The following ZFHX3 variants were observed in gnomAD, a reference collection of about 807,000 sequenced individuals.
The protein encoded by ZFHX3 is zinc finger homeobox protein 3.
Under a neutral mutation model 279.1 loss-of-function variants are expected in ZFHX3, and 42 were observed. The ratio of observed to expected loss-of-function variants is 0.15; its 90% CI spans 0.12 to 0.19. The LOEUF is 0.19. ZFHX3 is among the 10% of genes least tolerant of loss of function. The probability of loss-of-function intolerance (pLI) is 1.00; values close to 1 mark genes in which losing one functional copy is unlikely to be tolerated. For synonymous variants in ZFHX3, 2,293 were observed against 1,957.8 expected, an observed-to-expected ratio of 1.17 and a Z score of -4.52; for missense variants, 4,981 against 4,754.0, an observed-to-expected ratio of 1.05 and a Z score of -1.40.
At chr16:73,250,180 T>C (rs1325255989) in intron 5 of ZFHX3, among the ~76,000 whole-genome samples, 3 of 152,240 alleles carry the variant, frequency 2.0e-5, no homozygotes, top group African/African-American at 7.2e-5. Flanking sequence ...TACAATAACA[T>C]GTTTTCATCA....
intron 4 of ZFHX3, among the ~76,000 whole-genome samples, chr16:73,271,844 G>C (rs1003714138): frequency 6.6e-6 from 1 of 152,178 alleles, no homozygotes; most frequent in Non-Finnish European, 1.5e-5. Flanking sequence ...CATTGCTGAT[G>C]GGGCATTGTC....
At chr16:73,884,067 G>A (rs1017333410) in intron 1 of ZFHX3, among the ~76,000 whole-genome samples, 2 of 152,090 alleles carry the variant, frequency 1.3e-5, no homozygotes, top group Admixed American at 6.6e-5. Flanking sequence ...AACAGCTTTC[G>A]TTACACATTT....
At chr16:73,650,124 C>G (rs1045374958) in intron 2 of ZFHX3, among the ~76,000 whole-genome samples, 1 of 152,104 alleles carries the variant, frequency 6.6e-6, no homozygotes, top group African/African-American at 2.4e-5. Context: ...CATATACCTT[C>G]TGTCCATAAC....
rs869289153 is a variant in ZFHX3 at position 73,173,008 on chromosome 16, G to GTT, written c.-1103-29179_-1103-29178dup. Among the ~76,000 whole-genome samples, 82 of 49,930 alleles carry GTT rather than the reference G, an allele frequency of 1.6e-3. 1 individual carries two copies. The highest frequency in any genetic ancestry group is 3.0e-3 in the African/African-American group (32 of 10,770). 32.8% of individuals were successfully genotyped at this position (49,930 alleles called of 152,430 possible). On this transcript the variant is annotated intron_variant, in intron 5 of 17. Coordinates refer to the ZFHX3 transcript ENST00000641206. ...GGACTGTTTTTTTGTTTTTTTTTTT[G>GTT]TTTTTTTTTTTTTTTTTTGGGAGGG... is the stretch of plus-strand genomic sequence containing the variant.
At chr16:73,379,368 A>G (rs2143363617) in intron 3 of ZFHX3, among the ~76,000 whole-genome samples, 1 of 152,210 alleles carries the variant, frequency 6.6e-6, no homozygotes. Context: ...ACAAGCCCCA[A>G]TCTCAGTGCT....
At chr16:73,069,084 A>G (rs1323593561) in intron 8 of ZFHX3, among the ~76,000 whole-genome samples, 2 of 152,182 alleles carry the variant, frequency 1.3e-5, no homozygotes, top group African/African-American at 2.4e-5. Context: ...CCCAAGTATG[A>G]GTGTGTGTAA....
At chr16:72,883,995 C>A (rs1314717872) in intron 4 of ZFHX3, among the ~76,000 whole-genome samples, 2 of 151,058 alleles carry the variant, frequency 1.3e-5, no homozygotes, top group Non-Finnish European at 2.9e-5. Flanking sequence ...AAAAATTACA[C>A]TGAAATTGCA....
intron 1 of ZFHX3, among the ~76,000 whole-genome samples, chr16:73,843,312 C>A (rs968119776): frequency 6.6e-6 from 1 of 152,170 alleles, no homozygotes; most frequent in Non-Finnish European, 1.5e-5. Context: ...AGCTGAAAAG[C>A]CCCAAGTTGC....
intron 7 of ZFHX3, among the ~76,000 whole-genome samples, chr16:73,110,367 T>G (rs1160340012): frequency 3.3e-5 from 5 of 152,172 alleles, no homozygotes; most frequent in African/African-American, 9.7e-5. Flanking sequence ...CCTTGGTCCT[T>G]GGATAATATA....
At chr16:73,276,177 CTTTTT>C (rs529830146) in intron 4 of ZFHX3, among the ~76,000 whole-genome samples, 1 of 135,072 alleles carries the variant, frequency 7.4e-6, no homozygotes, top group Non-Finnish European at 1.6e-5. Flanking sequence ...CTTTTTCTTT[CTTTTT>C]TTTTTTTTTT....
At chr16:72,893,416 G>C (rs2038819964) in intron 3 of ZFHX3, among the ~76,000 whole-genome samples, 1 of 152,180 alleles carries the variant, frequency 6.6e-6, no homozygotes, top group Non-Finnish European at 1.5e-5. Context: ...AGCCACAAGA[G>C]AGGAATAACA....
chr16:72,851,635 A>G (rs2037619997), intron 4 of ZFHX3, among the ~76,000 whole-genome samples: 1 of 151,544 alleles, frequency 6.6e-6, no homozygotes. Context: ...GCTCACTGCA[A>G]CCTCCGCCTC....
chr16:73,741,504 G>C (rs1204102762), intron 1 of ZFHX3, among the ~76,000 whole-genome samples: 2 of 152,140 alleles, frequency 1.3e-5, no homozygotes, highest in African/African-American at 4.8e-5. Flanking sequence ...GGGTGGAAGA[G>C]GTGGAAGAAA....
At chr16:73,574,474 T>A (rs1041119590) in intron 2 of ZFHX3, among the ~76,000 whole-genome samples, 4 of 152,188 alleles carry the variant, frequency 2.6e-5, no homozygotes, top group African/African-American at 9.7e-5. Context: ...GTACTTCAGA[T>A]CTTCTAAATC....
chr16:73,869,421 G>C lies in ZFHX3; in HGVS notation c.-1608+22230C>G, dbSNP rs115177752. 2.9e-3 allele frequency among the ~76,000 whole-genome samples: 436 copies of C among 152,300 alleles called. 5 individuals carry two copies. The highest frequency in any genetic ancestry group is 9.8e-3 in the African/African-American group (408 of 41,550). On this transcript the variant is annotated intron_variant, in intron 1 of 17. Transcript: ENST00000641206. ...ATACCACAAACGCTAAGCAACTGCAGAGAACTGTCTTCAAGCAAAAGTTAC... is the reference window on the plus strand; with the variant it reads ...ATACCACAAACGCTAAGCAACTGCACAGAACTGTCTTCAAGCAAAAGTTAC...
At chr16:72,882,977 G>GGTGTGTGTGTGTGTGT (rs56328056) in intron 4 of ZFHX3, among the ~76,000 whole-genome samples, 21 of 65,442 alleles carry the variant, frequency 3.2e-4, no homozygotes, top group East Asian at 2.5e-3. Context: ...ACCACTCTGG[G>GGTGTGTGTGTGTGTGT]GTGTGTGTGT....
chr16:73,663,749 C>T (rs965833993), intron 2 of ZFHX3, among the ~76,000 whole-genome samples: 5 of 143,592 alleles, frequency 3.5e-5, no homozygotes, highest in African/African-American at 9.7e-5. Context: ...CAGAGTAAAA[C>T]TGTCATAGTA....
chr16:73,531,485 TG>T lies in ZFHX3; in HGVS notation c.-1546-75228del, dbSNP rs2019801411. Reference sequence around the variant, plus strand: ...ATTACAGCACTTTAGGAGGATGAGGTGGGGGGACTGCCTGAGCTCAGGAGTT... The same window carrying T: ...ATTACAGCACTTTAGGAGGATGAGGTGGGGGACTGCCTGAGCTCAGGAGTT... On this transcript the variant is annotated intron_variant, in intron 2 of 17. Transcript: ENST00000641206. Among the ~76,000 whole-genome samples, 4 of 151,810 alleles carry T rather than the reference TG, an allele frequency of 2.6e-5. No individual in the cohort carries two copies. In the South Asian group the frequency reaches 8.3e-4, roughly 32 times the overall value.
chr16:73,403,706 G>A (rs1410710969), intron 3 of ZFHX3, among the ~76,000 whole-genome samples: 1 of 152,208 alleles, frequency 6.6e-6, no homozygotes, highest in Non-Finnish European at 1.5e-5. Flanking sequence ...AGGCTGGCCG[G>A]TGGCGAACAC....
Sources: allele counts gnomAD v4.1 joint callset (sites outside exome capture counted in the v4.1 genomes callset), GRCh38; gene constraint gnomAD v4.1.1; transcripts MANE v1.5; gene names NCBI Gene and HGNC (gene_info 2026-07-23, HGNC 2026-07-21).